Variants in WWOX observed in about 807,000 individuals in gnomAD.
The protein encoded by WWOX is WW domain-containing oxidoreductase.
In WWOX, 69 loss-of-function variants were observed where a neutral mutation model predicts 46.2. That is an observed-to-expected ratio of 1.49 (90% CI 1.23 to 1.82). WWOX has a LOEUF of 1.82. Ranked by LOEUF, WWOX falls within the 40% of genes most tolerant of loss-of-function variation. WWOX has a pLI of 0.00. For synonymous variants in WWOX, 359 were observed against 202.6 expected, an observed-to-expected ratio of 1.77 and a Z score of -6.56; for missense variants, 919 against 542.6, an observed-to-expected ratio of 1.69 and a Z score of -6.89.
intron 8 of WWOX, among the ~76,000 whole-genome samples, chr16:78,818,730 T>A (rs1260314238): frequency 6.6e-6 from 1 of 152,240 alleles, no homozygotes; most frequent in South Asian, 2.1e-4. Context: ...GCCTCTACCA[T>A]GTAACTAGCT....
chr16:78,631,805 T>C (rs1032439522), intron 8 of WWOX, among the ~76,000 whole-genome samples: 1 of 152,150 alleles, frequency 6.6e-6, no homozygotes, highest in Admixed American at 6.5e-5. Context: ...GGATTATAGG[T>C]GTGAACCACC....
chr16:78,546,390 A>C (rs2044032224), intron 8 of WWOX, among the ~76,000 whole-genome samples: 2 of 152,166 alleles, frequency 1.3e-5, no homozygotes, highest in Non-Finnish European at 2.9e-5. Context: ...TCGGGACTTG[A>C]AAGGCAGCCC....
chr16:78,559,683 T>G (rs1402090901), intron 8 of WWOX, among the ~76,000 whole-genome samples: 1 of 152,220 alleles, frequency 6.6e-6, no homozygotes, highest in African/African-American at 2.4e-5. Context: ...TTCTTTTTCT[T>G]TTTAATCCTC....
intron 1 of WWOX, 129 bp from the exon 2 acceptor site, chr16:78,108,294 C>A (rs906329886): frequency 1.9e-5 from 18 of 925,102 alleles, no homozygotes; most frequent in Non-Finnish European, 2.7e-5. Context: ...TCACAGTCCT[C>A]TTTCTCCTTC....
intron 8 of WWOX, among the ~76,000 whole-genome samples, chr16:79,012,406 C>A (rs111770210): frequency 2.6e-5 from 4 of 151,986 alleles, no homozygotes; most frequent in Admixed American, 2.6e-4. Flanking sequence ...CTAATTTTTG[C>A]ATTTTTAGTA....
At chr16:78,963,270 A>G (rs2046305402) in intron 8 of WWOX, among the ~76,000 whole-genome samples, 7 of 152,112 alleles carry the variant, frequency 4.6e-5, no homozygotes, top group Admixed American at 4.6e-4. Flanking sequence ...GGAGTTGAAG[A>G]CCAGTCTGGG....
chr16:78,328,183 C>G (rs1042169474), intron 5 of WWOX, among the ~76,000 whole-genome samples: 2 of 152,032 alleles, frequency 1.3e-5, no homozygotes, highest in Non-Finnish European at 2.9e-5. Context: ...GTTCTGATTT[C>G]TTAAATTTCA....
intron 8 of WWOX, among the ~76,000 whole-genome samples, chr16:78,645,594 T>C (rs2881375): frequency 0.23 from 34,260 of 151,884 alleles, 3,921 homozygotes; most frequent in African/African-American, 0.25. Flanking sequence ...AGAGAACATA[T>C]AGGGAGAAAG....
Position 79,090,902 on chromosome 16 carries a change from T to G in WWOX, c.1057-120706T>G, listed in dbSNP as rs2048946480. 2.6e-5 allele frequency among the ~76,000 whole-genome samples: 4 copies of G among 152,206 alleles called. No homozygotes were observed. The South Asian group carries it at 8.3e-4, about 31-fold the overall frequency. On this transcript the variant is annotated intron_variant, in intron 8 of 8. Coordinates refer to ENST00000566780, the MANE Select transcript of WWOX (RefSeq NM_016373.4). Reference sequence around the variant, plus strand: ...TTTGCCTCCTGGGTTCAAACAATTGTCCTGCCTCAGCCTCCCAAGAAGTTG... The same window carrying G: ...TTTGCCTCCTGGGTTCAAACAATTGGCCTGCCTCAGCCTCCCAAGAAGTTG...
intron 8 of WWOX, among the ~76,000 whole-genome samples, chr16:78,846,062 C>G (rs1378629265): frequency 6.6e-6 from 1 of 152,130 alleles, no homozygotes; most frequent in Non-Finnish European, 1.5e-5. Flanking sequence ...GAATCTGGCA[C>G]AAGTGGATTT....
intron 8 of WWOX, among the ~76,000 whole-genome samples, chr16:78,794,576 T>A (rs1214032838): frequency 6.6e-6 from 1 of 152,212 alleles, no homozygotes; most frequent in African/African-American, 2.4e-5. Flanking sequence ...CTAATACCTC[T>A]TAGTGTTGCT....
chr16:78,216,032 A>C (rs545081110), intron 5 of WWOX, among the ~76,000 whole-genome samples: 1 of 152,326 alleles, frequency 6.6e-6, no homozygotes, highest in South Asian at 2.1e-4. Context: ...GACAGTGAAT[A>C]AGGGGCACAA....
chr16:78,663,213 A>C (rs1479115869), intron 8 of WWOX, among the ~76,000 whole-genome samples: 1 of 152,074 alleles, frequency 6.6e-6, no homozygotes, highest in Non-Finnish European at 1.5e-5. Context: ...CTATGACTTT[A>C]CCTATTTCGG....
intron 8 of WWOX, among the ~76,000 whole-genome samples, chr16:78,593,975 A>C (rs189697476): frequency 8.4e-4 from 128 of 152,262 alleles, no homozygotes; most frequent in African/African-American, 2.8e-3. Context: ...ATTATATCCA[A>C]CTTGTGTAAT....
rs1037475986 is a variant in WWOX at position 79,179,978 on chromosome 16, T to G, written c.1057-31630T>G. On this transcript the variant is annotated intron_variant, in intron 8 of 8. Transcript: ENST00000566780. Reference sequence around the variant, plus strand: ...CATACAAGACTTAAGTCCATGTTACTGGATTCCTAGACCAGGTTTTTTTTT... The same window carrying G: ...CATACAAGACTTAAGTCCATGTTACGGGATTCCTAGACCAGGTTTTTTTTT... Among the ~76,000 whole-genome samples the G allele has an allele frequency of 2.0e-5, 3 of 152,346 alleles. No individual in the cohort carries two copies. The South Asian group carries it at 6.2e-4, about 32-fold the overall frequency.
intron 8 of WWOX, among the ~76,000 whole-genome samples, chr16:78,948,516 A>G (rs1328226565): frequency 3.3e-5 from 5 of 152,060 alleles, no homozygotes; most frequent in Non-Finnish European, 7.4e-5. Flanking sequence ...ACCAGACCCC[A>G]AGACAGCTCT....
chr16:78,297,524 A>G (rs921949020), intron 5 of WWOX, among the ~76,000 whole-genome samples: 2 of 152,300 alleles, frequency 1.3e-5, no homozygotes, highest in African/African-American at 2.4e-5. Flanking sequence ...CAATCTGACA[A>G]TTTCGAGTAG....
chr16:78,517,855 A>ATTTTTTTTTTTTTTTTTTTTTTTTTTT (rs11342538), intron 8 of WWOX, among the ~76,000 whole-genome samples: 3 of 86,394 alleles, frequency 3.5e-5, no homozygotes, highest in African/African-American at 8.1e-5. Flanking sequence ...TACACAACCT[A>ATTTTTTTTTTTTTTTTTTTTTTTTTTT]TTTTTTTTTT....
At chr16:78,136,194 G>A (rs1019737173) in intron 4 of WWOX, among the ~76,000 whole-genome samples, 2 of 152,092 alleles carry the variant, frequency 1.3e-5, no homozygotes, top group Admixed American at 6.5e-5. Context: ...AATTACATCT[G>A]GGCTAAAAGG....
Sources: allele counts gnomAD v4.1 joint callset (sites outside exome capture counted in the v4.1 genomes callset), GRCh38; gene constraint gnomAD v4.1.1; transcripts MANE v1.5; gene names NCBI Gene and HGNC (gene_info 2026-07-23, HGNC 2026-07-21).